The following TRIM29 variants were observed in gnomAD, a reference collection of about 807,000 sequenced individuals.
TRIM29 encodes tripartite motif containing 29, also known as tripartite motif-containing protein 29.
In TRIM29, 52 loss-of-function variants were observed where a neutral mutation model predicts 57.3. The ratio of observed to expected loss-of-function variants is 0.91; its 90% confidence interval spans 0.73 to 1.14. The LOEUF is 1.14. Ranked by LOEUF, TRIM29 falls within the 50% of genes most tolerant of loss-of-function variation. TRIM29 has a pLI of 0.00. For missense variants in TRIM29, 753 were observed against 774.6 expected, an observed-to-expected ratio of 0.97 and a Z score of 0.33; for synonymous variants, 319 against 316.9, an observed-to-expected ratio of 1.01 and a Z score of -0.07.
intron 1 of TRIM29, among the ~76,000 whole-genome samples, chr11:120,132,927 A>G (rs1169415785): frequency 6.6e-6 from 1 of 152,120 alleles, no homozygotes; most frequent in Non-Finnish European, 1.5e-5. Flanking sequence ...GGGGCAAGGA[A>G]GGTATCACCC....
At position 120,137,314 on chromosome 11, in the gene TRIM29, G is replaced by A. The variant is rs1863838889; in HGVS notation, c.718C>T (p.Gln240Ter). Reference protein sequence around the residue: ...KTMELFCQTDQTCICYLCMFQ... With the variant: ...KTMELFCQTD The stretch of plus-strand genomic sequence containing the variant: ...ATGCAAAGGTAGCAGATGCAGGTCT[G>A]GTCGGTCTGGCAGAAGAGCTCCATC... The change falls in exon 1 of 9, where the codon CAG becomes TAG. Residue 240 changes from glutamine to a stop codon, truncating the protein, a stop_gained. Transcript: ENST00000341846. LOFTEE classifies it high-confidence loss of function. This position sits in a 1 kb window ranked among gnomAD's most constrained non-coding sequence, Gnocchi z 6.2. The A allele has an allele frequency of 6.2e-7, 1 of 1,614,026 alleles. No homozygotes were observed.
chr11:120,133,037 GCAGGCA>G (rs1411968113), intron 1 of TRIM29, among the ~76,000 whole-genome samples: 1 of 152,112 alleles, frequency 6.6e-6, no homozygotes. Flanking sequence ...AGATGGGGAC[GCAGGCA>G]CAGTGGGAAC....
chr11:120,129,925 A>G (rs980066073), intron 1 of TRIM29, among the ~76,000 whole-genome samples: 1 of 152,172 alleles, frequency 6.6e-6, no homozygotes, highest in Non-Finnish European at 1.5e-5. Context: ...AGCATGGAAA[A>G]TACCATCACC....
In TRIM29 at chr11:120,126,523, C is replaced by T. The variant is rs545924181; in HGVS notation, c.1135-634G>A. 3.9e-5 allele frequency among the ~76,000 whole-genome samples: 6 copies of T among 152,256 alleles called. No homozygotes were observed. In the South Asian group the frequency reaches 1.2e-3, roughly 32 times the overall value. On this transcript the variant is annotated intron_variant, in intron 3 of 8. Coordinates refer to ENST00000341846, the MANE Select transcript of TRIM29 (RefSeq NM_012101.4). ...CCTCCCAAAGTGCTGGGATTACAGG[C>T]GTGAGCCACCATGCCCAGCCCACAG...
Position 120,112,341 on chromosome 11 carries a change from A to G in TRIM29, c.*73T>C. 6.3e-7 allele frequency: 1 copy of G among 1,575,836 alleles called. No individual in the cohort carries two copies. The highest frequency in any genetic ancestry group is 1.7e-4 in the Middle Eastern group (1 of 5,962). On this transcript the variant is annotated 3_prime_UTR_variant, in exon 9 of 9. Coordinates refer to ENST00000341846, the MANE Select transcript of TRIM29 (RefSeq NM_012101.4). ...TCCCTCCCACCCAGACAAGCACAGT[A>G]GCTTAGAAGGCAAGAGCAGCAGGGT... is the stretch of plus-strand genomic sequence containing the variant.
chr11:120,132,054 T>G (rs1282132296), intron 1 of TRIM29, among the ~76,000 whole-genome samples: 2 of 151,514 alleles, frequency 1.3e-5, no homozygotes, highest in African/African-American at 4.9e-5. Flanking sequence ...ACTCAGATCC[T>G]ATTCTGTGCT....
intron 1 of TRIM29, among the ~76,000 whole-genome samples, chr11:120,132,074 G>A (rs1195467829): frequency 3.3e-5 from 5 of 151,530 alleles, no homozygotes; most frequent in Non-Finnish European, 7.4e-5. Flanking sequence ...TTCAAGAGGC[G>A]CACCTAGAGG....
chr11:120,122,528 G>T (rs552524887), intron 5 of TRIM29, among the ~76,000 whole-genome samples: 2 of 152,280 alleles, frequency 1.3e-5, no homozygotes, highest in Admixed American at 1.3e-4. Context: ...GAGCAGAATG[G>T]TCCTGGGGTC....
At position 120,123,000 on chromosome 11, in the gene TRIM29, A is replaced by C; in HGVS notation, c.1389T>G (p.Ser463Arg). Residue 463 changes from serine (S) to arginine (R), a missense_variant, in exon 5 of 9, where the codon AGT becomes AGG. Coordinates refer to ENST00000341846, the MANE Select transcript of TRIM29 (RefSeq NM_012101.4). Reference protein sequence around the residue: ...NYTNSFGGEWSAPDTMKRYSM... With the variant: ...NYTNSFGGEWRAPDTMKRYSM... ...AGTATCTCTTCATGGTGTCCGGTGC[A>C]CTCCACTCACCCCCGAAGCTGTTCG... is the stretch of plus-strand genomic sequence containing the variant. The C allele has an allele frequency of 6.2e-7, 1 of 1,613,608 alleles. No individual in the cohort carries two copies. The highest frequency in any genetic ancestry group is 8.5e-7 in the Non-Finnish European group (1 of 1,179,912).
chr11:120,128,839 G>A (rs1410940042), intron 1 of TRIM29: 4 of 1,507,890 alleles, frequency 2.7e-6, no homozygotes, highest in Non-Finnish European at 3.5e-6. Flanking sequence ...CCTTTTCAGT[G>A]GACCTGGGGA....
rs71050727 is a variant in TRIM29 at position 120,120,344 on chromosome 11, TACACACACACACACACAC to T, written c.1528+211_1528+228del. ...TAACTAATGGTGTCCCCCACACATG[TACACACACACACACACAC>T]ACACACACACACACACACACACACA... On this transcript the variant is annotated intron_variant, in intron 6 of 8. Coordinates refer to ENST00000341846, the MANE Select transcript of TRIM29 (RefSeq NM_012101.4). 2.0e-3 allele frequency among the ~76,000 whole-genome samples: 283 copies of T among 138,228 alleles called. 1 individual carries two copies. Among genetic ancestry groups the T allele is most frequent in the Middle Eastern group, 7.1e-3 (2 of 282 alleles). The allele number at this position is 138,228 out of a possible 152,430, so 90.7% of individuals were successfully genotyped here. A position where few individuals can be genotyped will look rare whatever the true frequency, so the allele number is the denominator to read the frequency against.
intron 5 of TRIM29, chr11:120,121,543 C>G (rs956354646): frequency 1.9e-5 from 3 of 155,448 alleles, no homozygotes; most frequent in Non-Finnish European, 2.9e-5. Flanking sequence ...GCAGGGATGC[C>G]GGGGGAACCT....
At chr11:120,125,624 G>T in intron 4 of TRIM29, 67 bp downstream of exon 4, 3 of 1,564,108 alleles carry the variant, frequency 1.9e-6, no homozygotes, top group South Asian at 1.1e-5. Flanking sequence ...CCCATGTCAG[G>T]CAGCAGGAAT....
intron 1 of TRIM29, among the ~76,000 whole-genome samples, chr11:120,134,336 G>A (rs1235326034): frequency 6.6e-6 from 1 of 152,212 alleles, no homozygotes; most frequent in African/African-American, 2.4e-5. Context: ...AACCGAGGCA[G>A]GTCTGAGGCT....
At chr11:120,135,885 G>T (rs1863805034) in intron 1 of TRIM29, among the ~76,000 whole-genome samples, 1 of 152,146 alleles carries the variant, frequency 6.6e-6, no homozygotes, top group Admixed American at 6.5e-5. Flanking sequence ...GGCCAGGAAG[G>T]TTTGCCCCAG....
Position 120,120,585 on chromosome 11 carries a change from A to T in TRIM29, c.1516T>A (p.Tyr506Asn). ...AGCCACCACCTACCTTTGGTGCCAT[A>T]GAGATTGTTGAAATTCTTCTGGGTG... ...ETTQKNFNNL[Y>N]GTKGNYTSRV... The change falls in exon 6 of 9, where the codon TAT becomes AAT. Residue 506 changes from tyrosine to asparagine, a missense_variant. Coordinates refer to ENST00000341846, the MANE Select transcript of TRIM29 (RefSeq NM_012101.4). 1 of 1,612,896 alleles carries T rather than the reference A, an allele frequency of 6.2e-7. No homozygotes were observed. The highest frequency in any genetic ancestry group is 1.3e-5 in the African/African-American group (1 of 74,834).
At chr11:120,115,709 C>T (rs1053784472) in intron 7 of TRIM29, 3 of 398,162 alleles carry the variant, frequency 7.5e-6, no homozygotes, top group South Asian at 5.5e-5. Flanking sequence ...CATCACACTG[C>T]TCTGCAGGGA....
At chr11:120,113,593 G>A (rs1305069250) in intron 8 of TRIM29, 1 of 456,006 alleles carries the variant, frequency 2.2e-6, no homozygotes, top group East Asian at 6.9e-5. Context: ...CTCCTGGTCA[G>A]CTCCTTGCCT....
rs770530890 is a variant in TRIM29, at chr11:120,127,365, T to C, written c.1105A>G (p.Ser369Gly). Reference sequence around the variant, plus strand: ...AGAAACAACACAGAGTCGCTGATGCTATGCAGCTGCTCCCGGGTCTGCTTG... The same window carrying C: ...AGAAACAACACAGAGTCGCTGATGCCATGCAGCTGCTCCCGGGTCTGCTTG... ...EDKQTREQLH[S>G]ISDSVLFLQE... The change falls in exon 3 of 9, where the codon AGC becomes GGC. Residue 369 changes from serine (S) to glycine (G), a missense_variant. By Grantham distance (56) the Ser-to-Gly change is moderately conservative (BLOSUM62 0). Transcript: ENST00000341846. 8 of 1,614,044 alleles carry C rather than the reference T, an allele frequency of 5.0e-6. No homozygotes were observed. Among genetic ancestry groups the C allele is most frequent in the Non-Finnish European group, 5.9e-6 (7 of 1,180,030 alleles).
Sources: gnomAD v4.1 joint callset for allele counts (sites outside exome capture counted in the v4.1 genomes callset) on GRCh38, gnomAD v4.1.1 for gene constraint, Gnocchi (gnomAD v3.1) non-coding constraint, MANE v1.5 for transcripts, NCBI Gene and HGNC (gene_info 2026-07-23, HGNC 2026-07-21) for gene names.